The following LINGO2 variants were observed in gnomAD, a reference collection of about 807,000 sequenced individuals.
LINGO2 encodes the protein leucine-rich repeat and immunoglobulin-like domain-containing nogo receptor-interacting protein 2.
LINGO2 carries 14 observed loss-of-function variants against 30.6 expected under a neutral mutation model. The ratio of observed to expected loss-of-function variants is 0.46; its 90% CI spans 0.30 to 0.72. LINGO2 has a LOEUF of 0.72. Among genes scored for constraint, LINGO2 ranks in the 30% least tolerant of loss-of-function variants. The probability of loss-of-function intolerance (pLI) is 0.07; values close to 1 mark genes in which losing one functional copy is unlikely to be tolerated. For synonymous variants in LINGO2, 317 were observed against 288.5 expected, an observed-to-expected ratio of 1.10 and a Z score of -1.00; for missense variants, 729 against 751.7, an observed-to-expected ratio of 0.97 and a Z score of 0.35.
At chr9:28,037,975 T>C (rs971765756) in intron 4 of LINGO2, among the ~76,000 whole-genome samples, 3 of 152,210 alleles carry the variant, frequency 2.0e-5, no homozygotes, top group Admixed American at 6.5e-5. Context: ...AGAGGTTAAG[T>C]AATTTTCCCA....
At chr9:28,850,682 T>C in the LINGO2 span, among the ~76,000 whole-genome samples, 1 of 151,972 alleles carries the variant, frequency 6.6e-6, no homozygotes, top group African/African-American at 2.4e-5. Flanking sequence ...TGGAACAAAC[T>C]CTCTGCCAGT....
At chr9:28,512,632 TATATAC>T (rs1351789644) in intron 1 of LINGO2, among the ~76,000 whole-genome samples, 217 of 5,936 alleles carry the variant, frequency 0.037, 11 homozygotes, top group African/African-American at 0.07. Flanking sequence ...TATATATATA[TATATAC>T]ACACATACAT....
At chr9:28,479,845 C>CTGTGTGTGTGTGTG (rs528584169) in intron 1 of LINGO2, among the ~76,000 whole-genome samples, 14 of 60,154 alleles carry the variant, frequency 2.3e-4, no homozygotes, top group African/African-American at 4.2e-4. Flanking sequence ...ACCATGTCAT[C>CTGTGTGTGTGTGTG]TGTGTGTGTG....
At chr9:28,940,408 T>C in the LINGO2 span, among the ~76,000 whole-genome samples, 2 of 152,238 alleles carry the variant, frequency 1.3e-5, no homozygotes, top group South Asian at 2.1e-4. Context: ...AGCCCTCAGA[T>C]GGAAGGAGCA....
intron 3 of LINGO2, among the ~76,000 whole-genome samples, chr9:28,338,102 C>T (rs1329652629): frequency 1.3e-5 from 2 of 152,168 alleles, no homozygotes; most frequent in African/African-American, 2.4e-5. Flanking sequence ...ATGTACCTGG[C>T]AAAGCCACAG....
At position 28,123,136 on chromosome 9, in the gene LINGO2, A is replaced by G. The variant is rs958892504; in HGVS notation, c.-86-110731T>C. Among the ~76,000 whole-genome samples, 3 of 152,188 alleles carry G rather than the reference A, an allele frequency of 2.0e-5. No individual in the cohort carries two copies. In the South Asian group the frequency reaches 6.2e-4, roughly 31 times the overall value. The stretch of plus-strand genomic sequence containing the variant: ...AAAGTTGAACCAAAAATTTGAGAGG[A>G]TTGAATAACGGTGAATGGAGAAAAG... On this transcript the variant is annotated intron_variant, in intron 4 of 5. Coordinates refer to ENST00000379992, the Ensembl canonical transcript of LINGO2.
the LINGO2 span, among the ~76,000 whole-genome samples, chr9:28,715,141 G>A: frequency 1.3e-5 from 2 of 152,086 alleles, no homozygotes; most frequent in Non-Finnish European, 2.9e-5. Flanking sequence ...CATTTGGACT[G>A]GTGATGGATT....
intron 4 of LINGO2, among the ~76,000 whole-genome samples, chr9:28,104,573 T>C (rs867660643): frequency 1.3e-5 from 2 of 152,084 alleles, no homozygotes; most frequent in African/African-American, 4.8e-5. Flanking sequence ...TACATGTTTT[T>C]TTTCAATTAC....
chr9:28,056,063 G>C (rs192263493), intron 4 of LINGO2, among the ~76,000 whole-genome samples: 1 of 152,164 alleles, frequency 6.6e-6, no homozygotes, highest in East Asian at 1.9e-4. Flanking sequence ...GAAAGATCCA[G>C]AGAAAAAAGA....
chr9:28,772,275 C>T, the LINGO2 span, among the ~76,000 whole-genome samples: 1 of 152,206 alleles, frequency 6.6e-6, no homozygotes, highest in African/African-American at 2.4e-5. Context: ...AAAATCCAGT[C>T]AGACCGCGGT....
chr9:28,732,523 A>G, the LINGO2 span, among the ~76,000 whole-genome samples: 1 of 152,150 alleles, frequency 6.6e-6, no homozygotes, highest in Non-Finnish European at 1.5e-5. Flanking sequence ...AAAATTGATG[A>G]TAAACTGAAT....
At chr9:28,350,910 A>G in intron 3 of LINGO2, among the ~76,000 whole-genome samples, 1 of 151,962 alleles carries the variant, frequency 6.6e-6, no homozygotes. Flanking sequence ...CTGGGTACAT[A>G]ATGAAATGAA....
intron 5 of LINGO2, among the ~76,000 whole-genome samples, chr9:27,984,648 C>A (rs1821039187): frequency 6.6e-6 from 1 of 151,670 alleles, no homozygotes; most frequent in African/African-American, 2.4e-5. Context: ...ATATTTAATT[C>A]ATTTTGTGTT....
At chr9:28,591,997 C>T (rs1236421914) in intron 1 of LINGO2, among the ~76,000 whole-genome samples, 2 of 151,942 alleles carry the variant, frequency 1.3e-5, no homozygotes, top group Non-Finnish European at 2.9e-5. Flanking sequence ...ATATTATGTG[C>T]CATACTAAAG....
the LINGO2 span, among the ~76,000 whole-genome samples, chr9:29,147,263 G>C: frequency 6.6e-6 from 1 of 152,170 alleles, no homozygotes; most frequent in East Asian, 1.9e-4. Flanking sequence ...GAGACCTTTG[G>C]ATATAATAAA....
At chr9:28,302,191 A>T (rs1198017593) in intron 3 of LINGO2, among the ~76,000 whole-genome samples, 1 of 152,204 alleles carries the variant, frequency 6.6e-6, no homozygotes, top group African/African-American at 2.4e-5. Flanking sequence ...TCAAGTTTTT[A>T]TTGGTGTAAG....
At chr9:28,407,261 A>G (rs938883124) in intron 2 of LINGO2, among the ~76,000 whole-genome samples, 1 of 22,932 alleles carries the variant, frequency 4.4e-5, no homozygotes, top group Non-Finnish European at 1.1e-4. Flanking sequence ...AATTGAGGCA[A>G]AGAGAAAAAA....
chr9:28,030,091 A>G (rs932541800), intron 4 of LINGO2, among the ~76,000 whole-genome samples: 2 of 152,202 alleles, frequency 1.3e-5, no homozygotes, highest in African/African-American at 2.4e-5. Context: ...GAGCTTCCAT[A>G]TACTGCAGAC....
the LINGO2 span, among the ~76,000 whole-genome samples, chr9:28,721,311 A>G: frequency 6.6e-6 from 1 of 152,156 alleles, no homozygotes; most frequent in African/African-American, 2.4e-5. Context: ...ATTACTGGGT[A>G]TATACCCAAA....
Sources: gnomAD v4.1 joint callset for allele counts (sites outside exome capture counted in the v4.1 genomes callset) on GRCh38, gnomAD v4.1.1 for gene constraint, MANE v1.5 for transcripts, NCBI Gene and HGNC (gene_info 2026-07-23, HGNC 2026-07-21) for gene names.